MMP16: variants seen among roughly 807,000 people sequenced by gnomAD.
MMP16 encodes matrix metalloproteinase-16.
A neutral mutation model predicts 67.8 loss-of-function variants in MMP16; 12 were observed. That is an observed-to-expected ratio of 0.18 (90% CI 0.11 to 0.29). The LOEUF is 0.29. Ranked by LOEUF, MMP16 falls within the 10% of genes least tolerant of loss-of-function variation. The pLI is 1.00. For synonymous variants in MMP16, 249 were observed against 255.9 expected, an observed-to-expected ratio of 0.97 and a Z score of 0.26; for missense variants, 475 against 765.7, an observed-to-expected ratio of 0.62 and a Z score of 4.48.
chr8:88,262,875 A>AAT (rs1323901791), intron 1 of MMP16, among the ~76,000 whole-genome samples: 2 of 141,888 alleles, frequency 1.4e-5, no homozygotes, highest in African/African-American at 5.3e-5. Flanking sequence ...AAAAAAAAAA[A>AAT]TTAGCCGAGC....
At chr8:88,047,887 C>A (rs928534616) in intron 8 of MMP16, among the ~76,000 whole-genome samples, 2 of 152,140 alleles carry the variant, frequency 1.3e-5, no homozygotes, top group Admixed American at 6.5e-5. Context: ...CGGGATGTCA[C>A]TGCAATAATC....
chr8:88,092,892 C>T (rs1226485737), intron 6 of MMP16, among the ~76,000 whole-genome samples: 2 of 151,624 alleles, frequency 1.3e-5, no homozygotes, highest in Non-Finnish European at 2.9e-5. Context: ...TGAGACTGAC[C>T]ATCTGTATCT....
chr8:88,113,010 G>T (rs1318240816), intron 6 of MMP16, among the ~76,000 whole-genome samples: 1 of 151,660 alleles, frequency 6.6e-6, no homozygotes, highest in Non-Finnish European at 1.5e-5. Context: ...AAAATAAAAT[G>T]CTTCAGGGAT....
rs377169083 is a variant in MMP16 at position 88,167,796 on chromosome 8, C to T, written c.582G>A (p.Gly194=). ...CCTCTCCATCAAAGGGAGAGCTGTC[C>T]CCATGGAAACCAGATGCAAAAATAA... ...ITIIFASGFH[G]DSSPFDGEGG... is the part of the protein sequence containing the mutation. The change falls in exon 4 of 10, where the codon GGG becomes GGA. Residue 194 remains glycine (G), a synonymous_variant. Transcript: ENST00000286614. The T allele has an allele frequency of 6.2e-7, 1 of 1,613,920 alleles. No individual in the cohort carries two copies. Among genetic ancestry groups the T allele is most frequent in the African/African-American group, 1.3e-5 (1 of 75,002 alleles).
At chr8:88,134,543 C>G (rs2118483874) in intron 4 of MMP16, among the ~76,000 whole-genome samples, 1 of 151,264 alleles carries the variant, frequency 6.6e-6, no homozygotes, top group East Asian at 2.0e-4. Context: ...GTTTTGGGGT[C>G]TTTGGTATTA....
At chr8:88,138,409 C>G (rs1224891909) in intron 4 of MMP16, among the ~76,000 whole-genome samples, 1 of 152,020 alleles carries the variant, frequency 6.6e-6, no homozygotes, top group Non-Finnish European at 1.5e-5. Context: ...CATGAGCCAA[C>G]TGAAGACTAT....
At chr8:88,323,047 A>G (rs2130232396) in intron 1 of MMP16, among the ~76,000 whole-genome samples, 2 of 152,314 alleles carry the variant, frequency 1.3e-5, no homozygotes, top group South Asian at 4.1e-4. Flanking sequence ...TCAGTCATAC[A>G]GCCCCTGTTG....
At chr8:88,287,561 A>G (rs1586000671) in intron 1 of MMP16, among the ~76,000 whole-genome samples, 1 of 152,126 alleles carries the variant, frequency 6.6e-6, no homozygotes, top group African/African-American at 2.4e-5. Context: ...CTTTTTGTTC[A>G]TTGTTACATC....
chr8:88,176,857 A>T (rs757107808), intron 3 of MMP16, among the ~76,000 whole-genome samples: 2 of 152,122 alleles, frequency 1.3e-5, no homozygotes, highest in Non-Finnish European at 2.9e-5. Flanking sequence ...TGTGGGTGGG[A>T]ACATTTTGAT....
At chr8:88,269,954 A>G (rs975786299) in intron 1 of MMP16, among the ~76,000 whole-genome samples, 1 of 152,202 alleles carries the variant, frequency 6.6e-6, no homozygotes, top group African/African-American at 2.4e-5. Flanking sequence ...CAGGCATAAA[A>G]AGTATTTACC....
At chr8:88,054,237 A>G (rs1399248276) in intron 8 of MMP16, among the ~76,000 whole-genome samples, 3 of 152,180 alleles carry the variant, frequency 2.0e-5, no homozygotes, top group Non-Finnish European at 4.4e-5. Context: ...TCTGTCCCCT[A>G]GTAGCTAACT....
chr8:88,235,007 C>CT (rs1664988683), intron 1 of MMP16, among the ~76,000 whole-genome samples: 2 of 152,252 alleles, frequency 1.3e-5, no homozygotes, highest in South Asian at 4.1e-4. Context: ...GTGTTTCTTT[C>CT]TTTTTGCATT....
At chr8:88,121,869 T>A (rs570776413) in intron 4 of MMP16, among the ~76,000 whole-genome samples, 2 of 152,078 alleles carry the variant, frequency 1.3e-5, no homozygotes, top group Non-Finnish European at 2.9e-5. Context: ...CCTTCACCCT[T>A]CCATGCATTT....
At chr8:88,305,523 T>C (rs1040008872) in intron 1 of MMP16, among the ~76,000 whole-genome samples, 1 of 152,156 alleles carries the variant, frequency 6.6e-6, no homozygotes, top group Non-Finnish European at 1.5e-5. Flanking sequence ...TACTTTAAAA[T>C]TGATCCTACA....
chr8:88,224,993 G>A (rs570286167), intron 1 of MMP16, among the ~76,000 whole-genome samples: 3 of 151,924 alleles, frequency 2.0e-5, no homozygotes, highest in African/African-American at 4.8e-5. Flanking sequence ...CTTTTTTGCT[G>A]TTCCCTGAGT....
chr8:88,258,192 T>C (rs1321957027), intron 1 of MMP16, among the ~76,000 whole-genome samples: 1 of 152,160 alleles, frequency 6.6e-6, no homozygotes, highest in Non-Finnish European at 1.5e-5. Context: ...ACATCTTCTT[T>C]TCCCTCCTGA....
At chr8:88,050,171 A>T (rs1282399253) in intron 8 of MMP16, among the ~76,000 whole-genome samples, 4 of 152,086 alleles carry the variant, frequency 2.6e-5, no homozygotes, top group Admixed American at 1.3e-4. Context: ...AAAAATACAA[A>T]AATTATCTGG....
At chr8:88,266,545 A>G (rs1810479383) in intron 1 of MMP16, among the ~76,000 whole-genome samples, 1 of 152,182 alleles carries the variant, frequency 6.6e-6, no homozygotes, top group African/African-American at 2.4e-5. Flanking sequence ...TCATCCAGGA[A>G]TCTTTATGGC....
chr8:88,082,539 G>T (rs1808769203), intron 6 of MMP16, among the ~76,000 whole-genome samples: 2 of 152,044 alleles, frequency 1.3e-5, no homozygotes, highest in Admixed American at 1.3e-4. Flanking sequence ...TGTCATTTTT[G>T]ATAGCAAATG....
Sources: allele counts gnomAD v4.1 joint callset (sites outside exome capture counted in the v4.1 genomes callset), GRCh38; gene constraint gnomAD v4.1.1; transcripts MANE v1.5; gene names NCBI Gene and HGNC (gene_info 2026-07-23, HGNC 2026-07-21).